Variants in RPS6KC1 observed in about 807,000 individuals in gnomAD.
The protein encoded by RPS6KC1 is ribosomal protein S6 kinase C1.
RPS6KC1 carries 54 observed loss-of-function variants against 103.8 expected under a neutral mutation model. That is an observed-to-expected ratio of 0.52 (90% confidence interval 0.42 to 0.65). The LOEUF (loss-of-function observed/expected upper bound fraction) is 0.65, where lower values mean the gene tolerates loss of function less well. RPS6KC1 is among the 30% of genes least tolerant of loss of function. The probability of loss-of-function intolerance (pLI) is 0.00; values close to 1 mark genes in which losing one functional copy is unlikely to be tolerated. For missense variants in RPS6KC1, 1,151 were observed against 1,253.8 expected, an observed-to-expected ratio of 0.92 and a Z score of 1.24; for synonymous variants, 439 against 438.7, an observed-to-expected ratio of 1.00 and a Z score of -0.01.
At chr1:213,610,239 A>G in the RPS6KC1 span, among the ~76,000 whole-genome samples, 1 of 152,166 alleles carries the variant, frequency 6.6e-6, no homozygotes, top group African/African-American at 2.4e-5. Context: ...AGCTCTTCAC[A>G]TCCTTTGTCT....
At chr1:213,535,018 A>C in the RPS6KC1 span, among the ~76,000 whole-genome samples, 1 of 152,214 alleles carries the variant, frequency 6.6e-6, no homozygotes, top group African/African-American at 2.4e-5. Context: ...CCTACAACCT[A>C]CTGACACTGC....
At chr1:213,495,940 A>G in the RPS6KC1 span, among the ~76,000 whole-genome samples, 1 of 152,186 alleles carries the variant, frequency 6.6e-6, no homozygotes, top group Non-Finnish European at 1.5e-5. Flanking sequence ...CAAGACAATT[A>G]TTTTTATTAC....
chr1:213,130,022 A>C (rs1446919479), intron 6 of RPS6KC1, 133 bp downstream of exon 6: 11 of 847,122 alleles, frequency 1.3e-5, no homozygotes, highest in Non-Finnish European at 1.8e-6. Context: ...AGCTTAAAAG[A>C]CCTATATATG....
chr1:213,853,230 T>C, the RPS6KC1 span, among the ~76,000 whole-genome samples: 2 of 152,222 alleles, frequency 1.3e-5, no homozygotes, highest in African/African-American at 2.4e-5. Flanking sequence ...AGCCATGGCC[T>C]TCAGCCACAT....
intron 3 of RPS6KC1, among the ~76,000 whole-genome samples, chr1:213,095,330 T>G (rs2148691904): frequency 6.6e-6 from 1 of 152,350 alleles, no homozygotes; most frequent in South Asian, 2.1e-4. Context: ...CTAGATAATT[T>G]CATACTGGTC....
intron 6 of RPS6KC1, among the ~76,000 whole-genome samples, chr1:213,145,967 G>GTTTTT (rs71573864): frequency 2.7e-4 from 13 of 47,832 alleles, no homozygotes; most frequent in African/African-American, 9.8e-4. Flanking sequence ...CATTCATTCT[G>GTTTTT]TTTTTTTTTT....
intron 8 of RPS6KC1, among the ~76,000 whole-genome samples, chr1:213,221,378 C>T (rs143567759): frequency 4.0e-4 from 61 of 152,192 alleles, no homozygotes; most frequent in African/African-American, 1.4e-3. Flanking sequence ...CCTCTGGGTT[C>T]GTCATCCCCC....
intron 8 of RPS6KC1, among the ~76,000 whole-genome samples, chr1:213,188,518 A>ATTTG (rs1258597035): frequency 1.3e-5 from 2 of 151,818 alleles, no homozygotes; most frequent in African/African-American, 4.8e-5. Flanking sequence ...GCACTTACAT[A>ATTTG]TTTGTTTGTT....
the RPS6KC1 span, among the ~76,000 whole-genome samples, chr1:213,847,994 AAG>A: frequency 1.3e-5 from 2 of 152,080 alleles, no homozygotes; most frequent in East Asian, 3.9e-4. Context: ...CACAGAGAGA[AAG>A]AGAGAGAAGC....
At chr1:213,255,484 T>C (rs2094620877) in intron 12 of RPS6KC1, among the ~76,000 whole-genome samples, 1 of 152,190 alleles carries the variant, frequency 6.6e-6, no homozygotes, top group Admixed American at 6.5e-5. Context: ...TCTCTACTTT[T>C]GATTTTAGGT....
At chr1:213,746,537 T>G in the RPS6KC1 span, among the ~76,000 whole-genome samples, 1 of 152,206 alleles carries the variant, frequency 6.6e-6, no homozygotes. Flanking sequence ...GTAAGATCTT[T>G]GGCTTATATT....
the RPS6KC1 span, among the ~76,000 whole-genome samples, chr1:213,521,775 A>C: frequency 6.6e-6 from 1 of 152,214 alleles, no homozygotes; most frequent in Non-Finnish European, 1.5e-5. Context: ...TCATTTATTC[A>C]AACTTTATCA....
chr1:213,581,689 G>C, the RPS6KC1 span, among the ~76,000 whole-genome samples: 3 of 152,100 alleles, frequency 2.0e-5, 1 homozygote, highest in Non-Finnish European at 4.4e-5. Flanking sequence ...AATATCTGCA[G>C]CAAGCATGAA....
the RPS6KC1 span, among the ~76,000 whole-genome samples, chr1:213,436,436 A>C: frequency 6.6e-6 from 1 of 152,212 alleles, no homozygotes; most frequent in Non-Finnish European, 1.5e-5. Flanking sequence ...AGTATAACTT[A>C]AGAGTCAGGA....
At chr1:213,441,691 A>G in the RPS6KC1 span, among the ~76,000 whole-genome samples, 8 of 152,236 alleles carry the variant, frequency 5.3e-5, no homozygotes, top group African/African-American at 1.9e-4. Context: ...AGCAAAGGCT[A>G]AAGAGTGTGA....
the RPS6KC1 span, among the ~76,000 whole-genome samples, chr1:213,307,297 C>T: frequency 5.9e-5 from 9 of 152,104 alleles, no homozygotes; most frequent in African/African-American, 9.6e-5. Flanking sequence ...ATGATCCGCC[C>T]GCCTCGGCCT....
the RPS6KC1 span, among the ~76,000 whole-genome samples, chr1:213,547,070 C>A: frequency 6.6e-6 from 1 of 152,078 alleles, no homozygotes; most frequent in Non-Finnish European, 1.5e-5. Flanking sequence ...TAGTATGTTC[C>A]TCTATTAGAA....
chr1:213,628,815 T>G, the RPS6KC1 span, among the ~76,000 whole-genome samples: 1 of 152,340 alleles, frequency 6.6e-6, no homozygotes, highest in South Asian at 2.1e-4. Flanking sequence ...AGAACGTCTT[T>G]ATATCTGCCT....
At chr1:213,704,747 G>A in the RPS6KC1 span, among the ~76,000 whole-genome samples, 1 of 152,342 alleles carries the variant, frequency 6.6e-6, no homozygotes, top group African/African-American at 2.4e-5. Flanking sequence ...GTCTGGGTTT[G>A]TTTGTACCAA....
Sources: allele counts gnomAD v4.1 joint callset (sites outside exome capture counted in the v4.1 genomes callset), GRCh38; gene constraint gnomAD v4.1.1; transcripts MANE v1.5; gene names NCBI Gene and HGNC (gene_info 2026-07-23, HGNC 2026-07-21).